The following STXBP5 variants were observed in gnomAD, a reference collection of about 807,000 sequenced individuals.
STXBP5 encodes the protein syntaxin-binding protein 5.
In STXBP5, 50 loss-of-function variants were observed where a neutral mutation model predicts 152.4. The observed-to-expected ratio is 0.33, with a 90% CI of 0.26 to 0.42. The LOEUF (loss-of-function observed/expected upper bound fraction) is 0.42, where lower values mean the gene tolerates loss of function less well. Ranked by LOEUF, STXBP5 falls within the 10% of genes least tolerant of loss-of-function variation. The probability of loss-of-function intolerance (pLI) is 1.00; values close to 1 mark genes in which losing one functional copy is unlikely to be tolerated. For missense variants in STXBP5, 1,167 were observed against 1,388.6 expected, an observed-to-expected ratio of 0.84 and a Z score of 2.54; for synonymous variants, 492 against 494.7, an observed-to-expected ratio of 0.99 and a Z score of 0.07.
chr6:147,352,359 G>A (rs1329339954), intron 21 of STXBP5, among the ~76,000 whole-genome samples: 1 of 152,222 alleles, frequency 6.6e-6, no homozygotes, highest in Non-Finnish European at 1.5e-5. Flanking sequence ...AACCCAGCCA[G>A]GCACGGTGGG....
intron 21 of STXBP5, chr6:147,351,731 T>C: frequency 3.0e-6 from 1 of 328,648 alleles, no homozygotes; most frequent in Non-Finnish European, 4.4e-6. Context: ...CTAATTAAGT[T>C]AATGAAGCTG....
At chr6:147,344,426 C>A (rs1050175553) in intron 21 of STXBP5, among the ~76,000 whole-genome samples, 3 of 152,180 alleles carry the variant, frequency 2.0e-5, no homozygotes, top group African/African-American at 7.2e-5. Flanking sequence ...TCTGTCATTA[C>A]TTATTTTATT....
intron 19 of STXBP5, 145 bp downstream of exon 19, chr6:147,334,367 C>A: frequency 1.5e-6 from 1 of 646,870 alleles, no homozygotes; most frequent in Non-Finnish European, 2.5e-6. Context: ...ATCTTAACTG[C>A]ATTCTTTGAA....
At chr6:147,246,631 T>C (rs1562435610) in intron 4 of STXBP5, among the ~76,000 whole-genome samples, 1 of 152,192 alleles carries the variant, frequency 6.6e-6, no homozygotes, top group East Asian at 1.9e-4. Flanking sequence ...TAGTCTGATT[T>C]ACAGTTTCTA....
intron 21 of STXBP5, among the ~76,000 whole-genome samples, chr6:147,341,626 T>C (rs1784096396): frequency 6.6e-6 from 1 of 152,106 alleles, no homozygotes; most frequent in Non-Finnish European, 1.5e-5. Context: ...CCCTGAGTTT[T>C]ACCTGTTCTT....
intron 8 of STXBP5, among the ~76,000 whole-genome samples, chr6:147,286,699 T>G (rs1255904452): frequency 1.3e-5 from 2 of 152,128 alleles, no homozygotes; most frequent in Non-Finnish European, 2.9e-5. Flanking sequence ...GGAAGAACTT[T>G]CCAAGCGTAA....
intron 8 of STXBP5, among the ~76,000 whole-genome samples, chr6:147,287,194 A>ATTTTTTTTTTTT (rs11370591): frequency 1.3e-5 from 1 of 75,256 alleles, no homozygotes; most frequent in Non-Finnish European, 2.4e-5. Context: ...TTAATTGTAC[A>ATTTTTTTTTTTT]TTTTTTTTTT....
At position 147,325,613 on chromosome 6, in the gene STXBP5, T is replaced by A. The variant is rs576332927; in HGVS notation, c.1928+529T>A. On this transcript the variant is annotated intron_variant, in intron 17 of 27. Transcript: ENST00000321680. ...ATAGTGTTAATTATACATATTTTTA[T>A]TACAATATGATAGACTTATAAAGCA... Among the ~76,000 whole-genome samples, 10 of 152,352 alleles carry A rather than the reference T, an allele frequency of 6.6e-5. No homozygotes were observed. In the East Asian group the frequency reaches 1.9e-3, roughly 29 times the overall value.
In STXBP5 at chr6:147,288,778, G is replaced by T. The variant is rs542826279; in HGVS notation, c.839-2316G>T. Among the ~76,000 whole-genome samples the T allele has an allele frequency of 2.6e-5, 4 of 152,218 alleles. No individual in the cohort carries two copies. In the East Asian group the frequency reaches 5.8e-4, roughly 22 times the overall value. On this transcript the variant is annotated intron_variant, in intron 8 of 27. Transcript: ENST00000321680. Reference sequence around the variant, plus strand: ...GCAGGAGTGGAAGTTTATTAAAAAGGCTTTAGAACAGGGAAGAAACACTTG... The same window carrying T: ...GCAGGAGTGGAAGTTTATTAAAAAGTCTTTAGAACAGGGAAGAAACACTTG...
chr6:147,325,174 T>C, intron 17 of STXBP5, 90 bp downstream of exon 17: 2 of 1,211,750 alleles, frequency 1.7e-6, no homozygotes, highest in Non-Finnish European at 2.1e-6. Context: ...GTCTTTGTTA[T>C]ATCGTCACCT....
At chr6:147,272,785 A>G (rs1780239593) in intron 7 of STXBP5, among the ~76,000 whole-genome samples, 2 of 152,152 alleles carry the variant, frequency 1.3e-5, no homozygotes, top group African/African-American at 4.8e-5. Flanking sequence ...TATTTATTTA[A>G]TCTCTTGAGG....
intron 18 of STXBP5, 101 bp downstream of exon 18, chr6:147,327,377 G>T: frequency 7.3e-7 from 1 of 1,368,058 alleles, no homozygotes; most frequent in South Asian, 1.5e-5. Context: ...TAGCTTGCCT[G>T]ATTTAGTCTG....
chr6:147,262,800 T>C (rs1779705183), intron 6 of STXBP5, among the ~76,000 whole-genome samples: 1 of 150,240 alleles, frequency 6.7e-6, no homozygotes, highest in African/African-American at 2.5e-5. Flanking sequence ...ATTAATAATG[T>C]AGAGTTTTTT....
rs781251877 is a variant in STXBP5, at chr6:147,368,936, A to T, written c.3081+4770A>T. On this transcript the variant is annotated intron_variant, in intron 25 of 27. Coordinates refer to ENST00000321680, the MANE Select transcript of STXBP5 (RefSeq NM_001127715.4). ...AAAAACTATAAAATATTAATAAAAA[A>T]TTTTTTAAAGTCTTAAAAATTTTTT... is the stretch of plus-strand genomic sequence containing the variant. Among the ~76,000 whole-genome samples the T allele has an allele frequency of 1.3e-4, 20 of 152,050 alleles. No homozygotes were observed. In the East Asian group the frequency reaches 2.3e-3, roughly 18 times the overall value.
chr6:147,324,545 C>A (rs1037510774), intron 16 of STXBP5, among the ~76,000 whole-genome samples: 4 of 152,130 alleles, frequency 2.6e-5, no homozygotes, highest in Non-Finnish European at 5.9e-5. Context: ...GCTGGGATTA[C>A]AGGCGTGAGC....
chr6:147,271,426 C>T (rs1018520952), intron 7 of STXBP5, among the ~76,000 whole-genome samples: 1 of 151,776 alleles, frequency 6.6e-6, no homozygotes, highest in East Asian at 1.9e-4. Flanking sequence ...AAATCAATCT[C>T]AATATTAATT....
intron 2 of STXBP5, among the ~76,000 whole-genome samples, chr6:147,232,378 T>G (rs1778048738): frequency 1.3e-5 from 2 of 151,956 alleles, no homozygotes; most frequent in African/African-American, 4.8e-5. Context: ...GGGAACTACT[T>G]GCTCTGAAAT....
intron 2 of STXBP5, among the ~76,000 whole-genome samples, chr6:147,233,828 C>A (rs1778133563): frequency 6.6e-6 from 1 of 150,566 alleles, no homozygotes; most frequent in Non-Finnish European, 1.5e-5. Flanking sequence ...AAAAATACTA[C>A]TCCTACTACT....
intron 9 of STXBP5, among the ~76,000 whole-genome samples, chr6:147,293,675 C>A (rs1036926254): frequency 2.6e-5 from 4 of 152,178 alleles, no homozygotes; most frequent in South Asian, 2.1e-4. Context: ...GATTCCCTAC[C>A]ATCTTTTGTG....
Sources: gnomAD v4.1 joint callset for allele counts (sites outside exome capture counted in the v4.1 genomes callset) on GRCh38, gnomAD v4.1.1 for gene constraint, MANE v1.5 for transcripts, NCBI Gene and HGNC (gene_info 2026-07-23, HGNC 2026-07-21) for gene names.